FHIT: variants seen among roughly 807,000 people sequenced by gnomAD.
FHIT encodes the protein bis(5'-adenosyl)-triphosphatase.
FHIT carries 19 observed loss-of-function variants against 17.9 expected under a neutral mutation model. That is an observed-to-expected ratio of 1.06 (90% CI 0.74 to 1.56). The LOEUF (loss-of-function observed/expected upper bound fraction) is 1.56. FHIT is among the 40% of genes most tolerant of loss of function. FHIT has a pLI of 0.00. For missense variants in FHIT, 248 were observed against 189.2 expected (o/e 1.31, Z -1.82); for synonymous variants, 81 against 69.7 (o/e 1.16, Z -0.81).
At chr3:60,126,931 G>A (rs73097527) in intron 5 of FHIT, among the ~76,000 whole-genome samples, 21,905 of 152,106 alleles carry the variant, frequency 0.14, 1,712 homozygotes, top group South Asian at 0.19. Context: ...GCGCGCTTCC[G>A]TAACTAGTGG....
intron 4 of FHIT, among the ~76,000 whole-genome samples, chr3:60,588,431 A>G (rs1461257131): frequency 6.6e-6 from 1 of 151,512 alleles, no homozygotes; most frequent in East Asian, 1.9e-4. Context: ...AAGAAAATAA[A>G]GAGGGGAAGG....
At chr3:59,810,450 T>C (rs920560469) in intron 8 of FHIT, among the ~76,000 whole-genome samples, 1 of 152,172 alleles carries the variant, frequency 6.6e-6, no homozygotes, top group Non-Finnish European at 1.5e-5. Flanking sequence ...CTATCTTAAT[T>C]ATGACTTACA....
chr3:60,834,909 G>C (rs1702480743), intron 3 of FHIT, among the ~76,000 whole-genome samples: 1 of 151,452 alleles, frequency 6.6e-6, no homozygotes, highest in South Asian at 2.1e-4. Flanking sequence ...CTCTTTCACG[G>C]TGCAAAAGCA....
chr3:60,460,906 T>G (rs554698798), intron 5 of FHIT, among the ~76,000 whole-genome samples: 4 of 152,206 alleles, frequency 2.6e-5, no homozygotes, highest in Admixed American at 1.3e-4. Flanking sequence ...TCAACTTAAG[T>G]ACGTACAAAT....
At chr3:60,351,339 C>A (rs889012960) in intron 5 of FHIT, among the ~76,000 whole-genome samples, 61 of 152,228 alleles carry the variant, frequency 4.0e-4, no homozygotes, top group South Asian at 1.0e-3. Flanking sequence ...AGACGCAAGC[C>A]ACCTCATCTC....
intron 2 of FHIT, among the ~76,000 whole-genome samples, chr3:61,070,956 C>A (rs1318208083): frequency 1.3e-5 from 2 of 152,150 alleles, no homozygotes; most frequent in African/African-American, 2.4e-5. Flanking sequence ...AACCAAATAA[C>A]TTGTCTGAAT....
chr3:60,099,974 T>C (rs1040247990), intron 5 of FHIT, among the ~76,000 whole-genome samples: 6 of 152,152 alleles, frequency 3.9e-5, no homozygotes, highest in Admixed American at 3.3e-4. Flanking sequence ...GTGGTGTGTG[T>C]TGAATTCTGT....
At chr3:61,078,464 G>A (rs1464712498) in intron 2 of FHIT, among the ~76,000 whole-genome samples, 2 of 152,088 alleles carry the variant, frequency 1.3e-5, no homozygotes, top group African/African-American at 2.4e-5. Flanking sequence ...CTTCTAGGAA[G>A]AACGAGTGGA....
chr3:60,214,246 C>G (rs563602638), intron 5 of FHIT, among the ~76,000 whole-genome samples: 12 of 152,190 alleles, frequency 7.9e-5, no homozygotes, highest in Admixed American at 2.0e-4. Context: ...GTCTAATCAC[C>G]TCATTATACT....
intron 5 of FHIT, among the ~76,000 whole-genome samples, chr3:60,359,432 C>T (rs1699810821): frequency 6.6e-6 from 1 of 151,788 alleles, no homozygotes; most frequent in African/African-American, 2.4e-5. Flanking sequence ...AGGTGTGTGC[C>T]ACCATGTCCA....
intron 4 of FHIT, among the ~76,000 whole-genome samples, chr3:60,785,262 G>T (rs1432779480): frequency 2.0e-5 from 3 of 152,224 alleles, no homozygotes; most frequent in African/African-American, 7.2e-5. Flanking sequence ...AGAAGAAGGA[G>T]TAGGTCTGAA....
intron 5 of FHIT, among the ~76,000 whole-genome samples, chr3:60,310,824 T>C (rs1708909525): frequency 6.6e-6 from 1 of 152,180 alleles, no homozygotes; most frequent in African/African-American, 2.4e-5. Flanking sequence ...GACAACTGTG[T>C]ATGCCCCAGA....
intron 5 of FHIT, among the ~76,000 whole-genome samples, chr3:60,528,547 T>C (rs202016483): frequency 2.0e-5 from 3 of 152,242 alleles, no homozygotes; most frequent in South Asian, 4.1e-4. Flanking sequence ...AGATGACCAT[T>C]TGATACGAAG....
At chr3:60,931,967 G>T (rs9875651) in intron 3 of FHIT, among the ~76,000 whole-genome samples, 39,239 of 152,022 alleles carry the variant, frequency 0.26, 5,160 homozygotes, top group Middle Eastern at 0.32. Flanking sequence ...GCACAATTCA[G>T]AACACTAACG....
rs529833636 is a variant in FHIT at position 60,084,177 on chromosome 3, T to C, written c.104-70025A>G. On this transcript the variant is annotated intron_variant, in intron 5 of 9. Transcript: ENST00000492590. Reference sequence around the variant, plus strand: ...GTTCAGAGGGGTAACCTCTGGAAAATGGAATCAGGAGTAGGAAGAAAAGAT... The same window carrying C: ...GTTCAGAGGGGTAACCTCTGGAAAACGGAATCAGGAGTAGGAAGAAAAGAT... Among the ~76,000 whole-genome samples the C allele has an allele frequency of 7.9e-4, 120 of 152,240 alleles. 1 individual carries two copies. Among genetic ancestry groups the C allele is most frequent in the Admixed American group, 2.0e-3 (30 of 15,278 alleles).
At chr3:60,550,070 A>G (rs960657347) in intron 4 of FHIT, among the ~76,000 whole-genome samples, 2 of 152,166 alleles carry the variant, frequency 1.3e-5, no homozygotes, top group Non-Finnish European at 2.9e-5. Flanking sequence ...TTGTTAACCA[A>G]GAATGTAAAT....
intron 4 of FHIT, among the ~76,000 whole-genome samples, chr3:60,713,038 C>T (rs2041582194): frequency 2.6e-5 from 4 of 152,062 alleles, no homozygotes; most frequent in Admixed American, 2.6e-4. Context: ...TAAAGCTCTC[C>T]TCAACAAACG....
At chr3:60,573,769 T>C (rs1273154337) in intron 4 of FHIT, among the ~76,000 whole-genome samples, 2 of 152,118 alleles carry the variant, frequency 1.3e-5, no homozygotes, top group Non-Finnish European at 2.9e-5. Context: ...GAGTCTGCTA[T>C]TGGTGATCAT....
chr3:59,853,150 A>G (rs1053145205), intron 8 of FHIT, among the ~76,000 whole-genome samples: 1 of 152,192 alleles, frequency 6.6e-6, no homozygotes, highest in Non-Finnish European at 1.5e-5. Flanking sequence ...GAAATGAATG[A>G]GAGTTCCTGT....
Sources: gnomAD v4.1 joint callset for allele counts (sites outside exome capture counted in the v4.1 genomes callset) on GRCh38, gnomAD v4.1.1 for gene constraint, MANE v1.5 for transcripts, NCBI Gene and HGNC (gene_info 2026-07-23, HGNC 2026-07-21) for gene names.